The following SLX4IP variants were observed in gnomAD, a reference collection of about 807,000 sequenced individuals.
SLX4IP encodes SLX4 interacting protein, also known as protein SLX4IP.
In SLX4IP, 34 loss-of-function variants were observed where a neutral mutation model predicts 32.9. That is an observed-to-expected ratio of 1.03 (90% CI 0.79 to 1.38). The LOEUF is 1.38. Among genes scored for constraint, SLX4IP ranks in the 40% most tolerant of loss-of-function variants. SLX4IP has a pLI of 0.00. For missense variants in SLX4IP, 444 were observed against 479.0 expected (o/e 0.93, Z 0.68); for synonymous variants, 172 against 171.7 (o/e 1.00, Z -0.01).
chr20:10,563,370 T>G (rs1156501857), intron 4 of SLX4IP, among the ~76,000 whole-genome samples: 1 of 152,250 alleles, frequency 6.6e-6, no homozygotes, highest in Non-Finnish European at 1.5e-5. Flanking sequence ...TTCATGCTGT[T>G]GATTGTTTCC....
Position 10,622,915 on chromosome 20 carries a change from C to T in SLX4IP, c.763C>T (p.Gln255Ter). ...CCAGCCAGAAGACACTAGTGGCCAG[C>T]AAAAACCTCATCCTGGGGAGCGGTT... The part of the protein sequence containing the change: ...QTQPEDTSGQ[Q>*]KPHPGERLKT... The change falls in exon 8 of 8, where the codon CAA becomes TAA. Residue 255 changes from glutamine (Q) to a stop codon, truncating the protein, a stop_gained. Coordinates refer to ENST00000334534, the MANE Select transcript of SLX4IP (RefSeq NM_001009608.3). LOFTEE classifies it high-confidence loss of function. 6.2e-7 allele frequency: 1 copy of T among 1,614,068 alleles called. No individual in the cohort carries two copies. The highest frequency in any genetic ancestry group is 8.5e-7 in the Non-Finnish European group (1 of 1,180,022).
At chr20:10,496,408 A>G (rs906390088) in intron 2 of SLX4IP, among the ~76,000 whole-genome samples, 13 of 152,126 alleles carry the variant, frequency 8.5e-5, no homozygotes, top group Non-Finnish European at 1.5e-4. Context: ...TCTTTTTACT[A>G]CTAAAGTTAT....
At chr20:10,490,894 C>T (rs762183560) in intron 2 of SLX4IP, among the ~76,000 whole-genome samples, 17 of 152,134 alleles carry the variant, frequency 1.1e-4, no homozygotes, top group Admixed American at 5.2e-4. Context: ...AACTTGTTTT[C>T]TGCTACAACA....
chr20:10,453,161 A>G (rs4308167), intron 1 of SLX4IP, among the ~76,000 whole-genome samples: 74,874 of 152,060 alleles, frequency 0.49, 19,935 homozygotes, highest in Non-Finnish European at 0.6. Flanking sequence ...TCATAACTGA[A>G]CTGTGTATTA....
intron 2 of SLX4IP, among the ~76,000 whole-genome samples, chr20:10,509,746 G>T (rs888387828): frequency 2.6e-5 from 4 of 151,746 alleles, no homozygotes; most frequent in African/African-American, 9.7e-5. Flanking sequence ...GCCCAGGCTG[G>T]AATGCAGTGG....
chr20:10,447,927 A>T (rs1482513851), intron 1 of SLX4IP, among the ~76,000 whole-genome samples: 1 of 148,080 alleles, frequency 6.8e-6, no homozygotes, highest in Non-Finnish European at 1.5e-5. Flanking sequence ...CTGGTCTCGA[A>T]CTCCTGGGCT....
In SLX4IP at chr20:10,580,121, G is replaced by A. The variant is rs572945555; in HGVS notation, c.239-18554G>A. ...TTCATAGGCAGAAAAACTGTGGTGA[G>A]TCACCAGTATTTGCAAGGTATGACT... On this transcript the variant is annotated intron_variant, in intron 4 of 7. Coordinates refer to ENST00000334534, the MANE Select transcript of SLX4IP (RefSeq NM_001009608.3). Among the ~76,000 whole-genome samples the A allele has an allele frequency of 1.2e-4, 19 of 152,270 alleles. 1 individual carries two copies. The South Asian group carries it at 3.5e-3, about 28-fold the overall frequency.
intron 4 of SLX4IP, among the ~76,000 whole-genome samples, chr20:10,583,730 A>T (rs1391002113): frequency 6.6e-6 from 1 of 152,162 alleles, no homozygotes; most frequent in Non-Finnish European, 1.5e-5. Flanking sequence ...TTTCACGCTA[A>T]CAATGTATAT....
At chr20:10,603,121 T>C (rs1232314471) in intron 6 of SLX4IP, among the ~76,000 whole-genome samples, 1 of 152,244 alleles carries the variant, frequency 6.6e-6, no homozygotes, top group Non-Finnish European at 1.5e-5. Context: ...AAATATAATA[T>C]AGCTTAACTG....
intron 4 of SLX4IP, among the ~76,000 whole-genome samples, chr20:10,568,899 G>T (rs925265517): frequency 6.6e-6 from 1 of 152,172 alleles, no homozygotes; most frequent in Non-Finnish European, 1.5e-5. Flanking sequence ...CCCTCTGGTG[G>T]ATCACAGCAA....
At chr20:10,616,011 T>A (rs190847297) in intron 6 of SLX4IP, among the ~76,000 whole-genome samples, 1 of 152,272 alleles carries the variant, frequency 6.6e-6, no homozygotes, top group East Asian at 1.9e-4. Context: ...GGGGACACAG[T>A]CATACCATAG....
At chr20:10,450,400 C>A (rs1332159484) in intron 1 of SLX4IP, among the ~76,000 whole-genome samples, 2 of 152,162 alleles carry the variant, frequency 1.3e-5, no homozygotes, top group East Asian at 3.8e-4. Flanking sequence ...TTAAAAAATT[C>A]ATATAAAGTT....
chr20:10,515,543 T>C (rs2065843035), intron 2 of SLX4IP, among the ~76,000 whole-genome samples: 1 of 152,214 alleles, frequency 6.6e-6, no homozygotes, highest in Non-Finnish European at 1.5e-5. Flanking sequence ...TATTTAAAAG[T>C]GTTGGCTCCT....
chr20:10,512,609 AAT>A (rs2065816473), intron 2 of SLX4IP, among the ~76,000 whole-genome samples: 1 of 144,404 alleles, frequency 6.9e-6, no homozygotes, highest in African/African-American at 2.6e-5. Context: ...ATATATATAA[AAT>A]ATATATAGTA....
Position 10,515,129 on chromosome 20 carries a change from G to C in SLX4IP, c.28-41102G>C, listed in dbSNP as rs2122437084. Among the ~76,000 whole-genome samples, 3 of 120,736 alleles carry C rather than the reference G, an allele frequency of 2.5e-5. No individual in the cohort carries two copies. In the Middle Eastern group the frequency reaches 0.021, roughly 862 times the overall value. 79.2% of individuals were successfully genotyped at this position (120,736 alleles called of 152,430 possible). Reference sequence around the variant, plus strand: ...GACGGAGTCTTACTCTTGTCACCCAGGCTTGAATGCAGTGGTGCAATCTCG... The same window carrying C: ...GACGGAGTCTTACTCTTGTCACCCACGCTTGAATGCAGTGGTGCAATCTCG... On this transcript the variant is annotated intron_variant, in intron 2 of 7. Transcript: ENST00000334534.
chr20:10,569,729 C>G (rs1439393042), intron 4 of SLX4IP, among the ~76,000 whole-genome samples: 1 of 152,026 alleles, frequency 6.6e-6, no homozygotes, highest in African/African-American at 2.4e-5. Context: ...AAAGTATTGG[C>G]AAGTTAGTCT....
At chr20:10,522,703 G>A (rs985528670) in intron 2 of SLX4IP, among the ~76,000 whole-genome samples, 13 of 152,170 alleles carry the variant, frequency 8.5e-5, no homozygotes, top group African/African-American at 3.1e-4. Context: ...AGCCCAGCTG[G>A]CTGCTACTGG....
At chr20:10,578,649 A>G (rs1309712055) in intron 4 of SLX4IP, among the ~76,000 whole-genome samples, 1 of 152,186 alleles carries the variant, frequency 6.6e-6, no homozygotes, top group Non-Finnish European at 1.5e-5. Flanking sequence ...CATATTGACG[A>G]ACTTCCAGAC....
chr20:10,512,453 C>T (rs1016050124), intron 2 of SLX4IP, among the ~76,000 whole-genome samples: 4 of 151,000 alleles, frequency 2.6e-5, no homozygotes, highest in African/African-American at 9.7e-5. Context: ...CTCTGTCAAC[C>T]AGGCTGGAGT....
Sources: allele counts gnomAD v4.1 joint callset (sites outside exome capture counted in the v4.1 genomes callset), GRCh38; gene constraint gnomAD v4.1.1; transcripts MANE v1.5; gene names NCBI Gene and HGNC (gene_info 2026-07-23, HGNC 2026-07-21).